The following TG variants were observed in gnomAD, a reference collection of about 807,000 sequenced individuals.
TG encodes the protein thyroid hormones.
A neutral mutation model predicts 324.7 loss-of-function variants in TG; 270 were observed. The ratio of observed to expected loss-of-function variants is 0.83; its 90% CI spans 0.75 to 0.92. The LOEUF (loss-of-function observed/expected upper bound fraction) is 0.92. TG is among the 40% of genes least tolerant of loss of function. TG has a pLI of 0.00. For missense variants in TG, 3,591 were observed against 3,456.4 expected, an observed-to-expected ratio of 1.04 and a Z score of -0.98; for synonymous variants, 1,401 against 1,327.0, an observed-to-expected ratio of 1.06 and a Z score of -1.21.
chr8:132,940,667 GA>G (rs918570698), intron 25 of TG, among the ~76,000 whole-genome samples: 3 of 152,196 alleles, frequency 2.0e-5, no homozygotes, highest in African/African-American at 7.2e-5. Flanking sequence ...AAAGGGAAGG[GA>G]AAACTCTGCA....
At chr8:133,125,206 T>C (rs1473831476) in intron 45 of TG, among the ~76,000 whole-genome samples, 2 of 152,210 alleles carry the variant, frequency 1.3e-5, no homozygotes, top group African/African-American at 4.8e-5. Context: ...AAGACTATAG[T>C]TGCAGGTGGG....
At chr8:132,935,665 G>A (rs1823476447) in intron 24 of TG, 91 bp from the exon 25 acceptor site, 4 of 1,157,320 alleles carry the variant, frequency 3.5e-6, no homozygotes, top group Non-Finnish European at 5.1e-6. Context: ...TGTAGCCCTG[G>A]TGCCTAGCCA....
At chr8:133,049,689 A>G (rs1840058075) in intron 41 of TG, 3 of 558,336 alleles carry the variant, frequency 5.4e-6, no homozygotes, top group Middle Eastern at 4.6e-4. Context: ...AACTTCCTTC[A>G]TTTTACTGAG....
intron 29 of TG, 100 bp from the exon 30 acceptor site, chr8:132,966,456 GTCTC>G (rs112044771): frequency 2.2e-3 from 2,528 of 1,167,928 alleles, no homozygotes; most frequent in Middle Eastern, 3.8e-3. Context: ...TTCTCTCTCT[GTCTC>G]TCTCTCTGTG....
intron 41 of TG, among the ~76,000 whole-genome samples, chr8:133,055,829 A>G (rs1325387257): frequency 8.7e-5 from 1 of 11,454 alleles, no homozygotes; most frequent in Admixed American, 4.6e-4. Context: ...CATCACCAGC[A>G]GCAGCAGCAG....
intron 35 of TG, among the ~76,000 whole-genome samples, chr8:133,009,521 T>G (rs905988022): frequency 1.3e-5 from 2 of 152,066 alleles, no homozygotes; most frequent in African/African-American, 4.8e-5. Flanking sequence ...TTTCTCTCTC[T>G]TATTTTTTCT....
chr8:133,108,224 G>A (rs1218547479), intron 43 of TG, among the ~76,000 whole-genome samples: 1 of 151,712 alleles, frequency 6.6e-6, no homozygotes, highest in African/African-American at 2.4e-5. Flanking sequence ...CTGACCTTGT[G>A]ATCTGCCTGC....
At chr8:133,025,229 G>C (rs1172236613) in intron 40 of TG, among the ~76,000 whole-genome samples, 1 of 152,174 alleles carries the variant, frequency 6.6e-6, no homozygotes, top group Non-Finnish European at 1.5e-5. Flanking sequence ...TGCTATGGAG[G>C]AGCTATCTCC....
intron 5 of TG, among the ~76,000 whole-genome samples, chr8:132,879,418 T>C (rs116188937): frequency 0.039 from 5,983 of 152,298 alleles, 273 homozygotes; most frequent in African/African-American, 0.11. Flanking sequence ...AATCCCAGTT[T>C]TCTCATTTGG....
At position 133,096,275 on chromosome 8, in the gene TG, C is replaced by T. The variant is rs888904025; in HGVS notation, c.7474C>T (p.Pro2492Ser). The T allele has an allele frequency of 6.2e-7, 1 of 1,614,228 alleles. No individual in the cohort carries two copies. Among genetic ancestry groups the T allele is most frequent in the Non-Finnish European group, 8.5e-7 (1 of 1,180,038 alleles). Residue 2492 changes from proline (P) to serine (S), a missense_variant, in exon 43 of 48, where the codon CCA (proline) becomes TCA (serine). Physicochemically the swap from Pro to Ser is moderately conservative, Grantham distance 74. Coordinates refer to ENST00000220616, the MANE Select transcript of TG (RefSeq NM_003235.5). ...VIDGHFLREP[P>S]ARALKRSLWV... ...CGATGGCCACTTCCTCCGTGAGCCT[C>T]CAGCCAGAGCACTGAAGAGGTCTTT...
intron 19 of TG, among the ~76,000 whole-genome samples, chr8:132,912,764 C>A (rs1011650692): frequency 1.3e-5 from 2 of 152,154 alleles, no homozygotes; most frequent in Non-Finnish European, 2.9e-5. Flanking sequence ...TGACTGAAGA[C>A]CCGATATCCT....
Position 133,113,406 on chromosome 8 carries a change from C to CTTT in TG, c.7573-7_7573-5dup. The CTTT allele has an allele frequency of 1.6e-6, 2 of 1,238,262 alleles. No individual in the cohort carries two copies. The highest frequency in any genetic ancestry group is 1.1e-6 in the Non-Finnish European group (1 of 887,376). 76.7% of individuals were successfully genotyped at this position (1,238,262 alleles called of 1,614,324 possible). On this transcript the variant is annotated splice_polypyrimidine_tract_variant and intron_variant, in intron 43 of 47. Coordinates refer to ENST00000220616, the MANE Select transcript of TG (RefSeq NM_003235.5). ...AGAATCCAACTGAGGAATTTCGTAT[C>CTTT]TTTTTTTTTTTCTAGCAATTTGAGG...
chr8:132,882,370 C>T, intron 6 of TG, 99 bp from the exon 7 acceptor site: 3 of 1,372,944 alleles, frequency 2.2e-6, no homozygotes, highest in South Asian at 1.2e-5. Flanking sequence ...CCTAATGATG[C>T]TGGTGAAGGC....
In TG at chr8:133,065,553, G is replaced by C. The variant is rs552624686; in HGVS notation, c.7240-29491G>C. ...GAGGCAGGTGGATCACGTCAGGTCA[G>C]GAGTTCAAGACCAGCCTGGCCAACA... On this transcript the variant is annotated intron_variant, in intron 41 of 47. Coordinates refer to ENST00000220616, the MANE Select transcript of TG (RefSeq NM_003235.5). Among the ~76,000 whole-genome samples, 14 of 152,290 alleles carry C rather than the reference G, an allele frequency of 9.2e-5. No homozygotes were observed. The South Asian group carries it at 1.0e-3, about 11-fold the overall frequency.
intron 46 of TG, among the ~76,000 whole-genome samples, chr8:133,132,545 T>C (rs943434415): frequency 7.2e-5 from 11 of 152,244 alleles, no homozygotes; most frequent in African/African-American, 2.7e-4. Flanking sequence ...AATTGGTTCC[T>C]GCTCTTTCCT....
At chr8:132,989,911 C>G (rs1832093481) in intron 35 of TG, among the ~76,000 whole-genome samples, 1 of 152,086 alleles carries the variant, frequency 6.6e-6, no homozygotes, top group African/African-American at 2.4e-5. Context: ...ATTTCACAGC[C>G]TCTTGATGCC....
At chr8:133,116,512 G>A in intron 44 of TG, 97 bp from the exon 45 acceptor site, 2 of 1,096,346 alleles carry the variant, frequency 1.8e-6, no homozygotes, top group Non-Finnish European at 2.8e-6. Context: ...GTGGGTTGGG[G>A]GCCCAGGGGG....
In TG at chr8:133,082,073, A is replaced by G. The variant is rs142292991; in HGVS notation, c.7240-12971A>G. Among the ~76,000 whole-genome samples the G allele has an allele frequency of 2.7e-3, 407 of 152,348 alleles. 3 individuals carry two copies. The highest frequency in any genetic ancestry group is 9.4e-3 in the African/African-American group (389 of 41,580). ...CAGAGATCCTTGTGAACTCTGTTTA[A>G]GGACACAGACAAAAGACAAAGTCTT... On this transcript the variant is annotated intron_variant, in intron 41 of 47. Transcript: ENST00000220616.
chr8:132,888,267 T>A lies in TG; in HGVS notation c.2460T>A (p.Phe820Leu). The change falls in exon 10 of 48, where the codon TTT (phenylalanine) becomes TTA (leucine). Residue 820 changes from phenylalanine (F) to leucine (L), a missense_variant. Physicochemically the swap from Phe to Leu is conservative, Grantham distance 22. Coordinates refer to ENST00000220616, the MANE Select transcript of TG (RefSeq NM_003235.5). ...CAGCTTCCGGAAACTTCAGTCTCTT[T>A]ATTCAAAGTCTGTATGAGGCTGGCC... ...REAASGNFSL[F>L]IQSLYEAGQQ... 6.2e-7 allele frequency: 1 copy of A among 1,614,212 alleles called. No individual in the cohort carries two copies. The highest frequency in any genetic ancestry group is 8.5e-7 in the Non-Finnish European group (1 of 1,180,038).
Sources: gnomAD v4.1 joint callset for allele counts (sites outside exome capture counted in the v4.1 genomes callset) on GRCh38, gnomAD v4.1.1 for gene constraint, MANE v1.5 for transcripts, NCBI Gene and HGNC (gene_info 2026-07-23, HGNC 2026-07-21) for gene names.